The following IGF2BP2 variants were observed in gnomAD, a reference collection of about 807,000 sequenced individuals.
The protein encoded by IGF2BP2 is insulin like growth factor 2 mRNA binding protein 2, also known as insulin-like growth factor 2 mRNA-binding protein 2.
Under a neutral mutation model 75.8 loss-of-function variants are expected in IGF2BP2, and 17 were observed. The observed-to-expected ratio is 0.22, with a 90% CI of 0.15 to 0.34. The LOEUF (loss-of-function observed/expected upper bound fraction) is 0.34, where lower values mean the gene tolerates loss of function less well. IGF2BP2 is among the 10% of genes least tolerant of loss of function. The pLI, the probability that IGF2BP2 is intolerant of heterozygous loss-of-function variation, is 1.00. For missense variants in IGF2BP2, 516 were observed against 772.4 expected (o/e 0.67, Z 3.93); for synonymous variants, 288 against 295.6 (o/e 0.97, Z 0.26).
chr3:185,732,581 A>G (rs921741705), intron 2 of IGF2BP2, among the ~76,000 whole-genome samples: 3 of 152,154 alleles, frequency 2.0e-5, no homozygotes, highest in African/African-American at 7.2e-5. Flanking sequence ...ACATACTACA[A>G]GGACCCTCCC....
At chr3:185,746,765 G>A (rs1464690419) in intron 2 of IGF2BP2, among the ~76,000 whole-genome samples, 1 of 152,192 alleles carries the variant, frequency 6.6e-6, no homozygotes, top group East Asian at 1.9e-4. Context: ...AGATTCTTGA[G>A]CTAGGGATTC....
intron 4 of IGF2BP2, among the ~76,000 whole-genome samples, chr3:185,694,660 A>C (rs111672181): frequency 6.6e-6 from 1 of 152,216 alleles, no homozygotes; most frequent in African/African-American, 2.4e-5. Context: ...TAGGACCTAT[A>C]AACTGCCCCA....
intron 1 of IGF2BP2, 132 bp from the exon 2 acceptor site, chr3:185,823,345 G>A (rs1002447890): frequency 1.3e-5 from 7 of 547,346 alleles, no homozygotes; most frequent in Non-Finnish European, 3.2e-6. Flanking sequence ...TACCCGGATC[G>A]AGCTGGGCGA....
intron 10 of IGF2BP2, among the ~76,000 whole-genome samples, chr3:185,661,426 C>G (rs1294939550): frequency 1.3e-5 from 2 of 152,028 alleles, no homozygotes; most frequent in Admixed American, 6.6e-5. Context: ...TATTTGAGGT[C>G]AGCAGTTCAA....
chr3:185,773,421 CA>C lies in IGF2BP2; in HGVS notation c.239+49731del, dbSNP rs566732415. Among the ~76,000 whole-genome samples the C allele has an allele frequency of 3.8e-3, 583 of 152,230 alleles. 15 individuals are homozygous for C. Among genetic ancestry groups the C allele is most frequent in the Non-Finnish European group, 9.1e-4 (62 of 67,994 alleles). ...TAAATAAATATAAATTGTTCCCATA[CA>C]AAGTTTGAGTGCAGATTACACATTC... is the stretch of plus-strand genomic sequence containing the variant. On this transcript the variant is annotated intron_variant, in intron 2 of 15. Coordinates refer to ENST00000382199, the MANE Select transcript of IGF2BP2 (RefSeq NM_006548.6).
intron 2 of IGF2BP2, among the ~76,000 whole-genome samples, chr3:185,806,459 G>C (rs1739045753): frequency 6.6e-6 from 1 of 152,050 alleles, no homozygotes; most frequent in South Asian, 2.1e-4. Context: ...ACATTCGAAA[G>C]GAAACAACCA....
At chr3:185,759,697 C>A (rs1428502197) in intron 2 of IGF2BP2, among the ~76,000 whole-genome samples, 3 of 152,202 alleles carry the variant, frequency 2.0e-5, no homozygotes, top group Non-Finnish European at 4.4e-5. Flanking sequence ...TGACTTAGAG[C>A]CAGCACCCAG....
At chr3:185,807,532 C>T (rs1412131454) in intron 2 of IGF2BP2, among the ~76,000 whole-genome samples, 2 of 152,032 alleles carry the variant, frequency 1.3e-5, no homozygotes, top group Admixed American at 1.3e-4. Context: ...CAGTATATGC[C>T]CCAAATTAAG....
chr3:185,665,187 AG>A (rs1717116917), intron 10 of IGF2BP2, among the ~76,000 whole-genome samples: 14 of 147,514 alleles, frequency 9.5e-5, no homozygotes, highest in East Asian at 4.0e-4. Context: ...AAAAAAAAAA[AG>A]AGGAGAAGAA....
chr3:185,698,563 G>T (rs1722884562), intron 2 of IGF2BP2, among the ~76,000 whole-genome samples: 1 of 152,080 alleles, frequency 6.6e-6, no homozygotes, highest in Admixed American at 6.6e-5. Context: ...GAGTATAGGT[G>T]GTGCGGTCTC....
intron 2 of IGF2BP2, chr3:185,722,533 A>AG: frequency 3.6e-6 from 1 of 277,154 alleles, no homozygotes. Flanking sequence ...TGAGCTTGGA[A>AG]GTAAGTGATA....
chr3:185,658,839 G>A (rs1715917750), intron 10 of IGF2BP2, among the ~76,000 whole-genome samples: 1 of 152,106 alleles, frequency 6.6e-6, no homozygotes, highest in Non-Finnish European at 1.5e-5. Context: ...AGAGTGTGCT[G>A]GACAATACCC....
Position 185,696,100 on chromosome 3 carries a change from T to A in IGF2BP2, c.340+512A>T, listed in dbSNP as rs73058862. Among the ~76,000 whole-genome samples, 245 of 152,220 alleles carry A rather than the reference T, an allele frequency of 1.6e-3. No homozygotes were observed. In the Middle Eastern group the frequency reaches 0.017, roughly 11 times the overall value. On this transcript the variant is annotated intron_variant, in intron 4 of 15. Transcript: ENST00000382199. ...CCACACCTGGCCTCGGGTGCTTTTT[T>A]AAATATAGATTCACGAGCTCTTCCC...
rs1048315001 is a variant in IGF2BP2 at position 185,647,466 on chromosome 3, AC to A, written c.1594-329del. Among the ~76,000 whole-genome samples, 11 of 148,032 alleles carry A rather than the reference AC, an allele frequency of 7.4e-5. No individual in the cohort carries two copies. Among genetic ancestry groups the A allele is most frequent in the Admixed American group, 1.3e-4 (2 of 14,828 alleles). ...TCACAGAGACCCCAGGCTTTCCCAT[AC>A]CCCCCCACTCCCCACCCCTACCCTG... On this transcript the variant is annotated intron_variant, in intron 14 of 15. Coordinates refer to ENST00000382199, the MANE Select transcript of IGF2BP2 (RefSeq NM_006548.6). This position sits in a 1 kb window ranked among gnomAD's most constrained non-coding sequence, Gnocchi z 4.9.
chr3:185,797,702 G>T (rs1000320303), intron 2 of IGF2BP2, among the ~76,000 whole-genome samples: 1 of 149,862 alleles, frequency 6.7e-6, no homozygotes, highest in South Asian at 2.1e-4. Flanking sequence ...CCAGGAGTTC[G>T]AGACCAGCCT....
intron 10 of IGF2BP2, among the ~76,000 whole-genome samples, chr3:185,666,051 T>C (rs965815118): frequency 9.4e-5 from 13 of 138,316 alleles, no homozygotes; most frequent in Non-Finnish European, 1.9e-4. Context: ...GATAGATAGA[T>C]AGATAGAGGA....
At chr3:185,790,054 A>T (rs1736434831) in intron 2 of IGF2BP2, among the ~76,000 whole-genome samples, 1 of 152,096 alleles carries the variant, frequency 6.6e-6, no homozygotes, top group Non-Finnish European at 1.5e-5. Flanking sequence ...ATCTTAATGC[A>T]TGGGCTGAGG....
chr3:185,766,762 C>G (rs898691136), intron 2 of IGF2BP2, among the ~76,000 whole-genome samples: 2 of 152,218 alleles, frequency 1.3e-5, no homozygotes, highest in African/African-American at 4.8e-5. Context: ...CTATTACTTT[C>G]ATTTTATCTT....
Position 185,824,903 on chromosome 3 carries a change from G to C in IGF2BP2, c.58C>G (p.Arg20Gly). 1 of 1,572,138 alleles carries C rather than the reference G, an allele frequency of 6.4e-7. No individual in the cohort carries two copies. The highest frequency in any genetic ancestry group is 8.6e-7 in the Non-Finnish European group (1 of 1,157,912). Reference sequence around the variant, plus strand: ...AGCTTCCTGTCCCCAAAGAGCTGCCGGAGGTCGTCGGCGGTGACGGCGGGG... The same window carrying C: ...AGCTTCCTGTCCCCAAAGAGCTGCCCGAGGTCGTCGGCGGTGACGGCGGGG... ...LSPAVTADDL[R>G]QLFGDRKLPL... Residue 20 changes from arginine to glycine, a missense_variant, in exon 1 of 16, where the codon CGG (arginine) becomes GGG (glycine). By Grantham distance (125) the Arg-to-Gly change is moderately radical. Coordinates refer to ENST00000382199, the MANE Select transcript of IGF2BP2 (RefSeq NM_006548.6).
Sources: gnomAD v4.1 joint callset for allele counts (sites outside exome capture counted in the v4.1 genomes callset) on GRCh38, gnomAD v4.1.1 for gene constraint, Gnocchi (gnomAD v3.1) non-coding constraint, MANE v1.5 for transcripts, NCBI Gene and HGNC (gene_info 2026-07-23, HGNC 2026-07-21) for gene names.